PPARG: variants seen among roughly 807,000 people sequenced by gnomAD.
The protein encoded by PPARG is peroxisome proliferator activated receptor gamma, also known as peroxisome proliferator-activated receptor gamma.
In PPARG, 17 loss-of-function variants were observed where a neutral mutation model predicts 39.2. The ratio of observed to expected loss-of-function variants is 0.43; its 90% CI spans 0.30 to 0.65. The LOEUF (loss-of-function observed/expected upper bound fraction) is 0.65. Among genes scored for constraint, PPARG ranks in the 30% least tolerant of loss-of-function variants. The probability of loss-of-function intolerance (pLI) is 0.13; values close to 1 mark genes in which losing one functional copy is unlikely to be tolerated. For synonymous variants in PPARG, 223 were observed against 215.7 expected (o/e 1.03, Z -0.30); for missense variants, 406 against 585.9 (o/e 0.69, Z 3.17).
At chr3:12,334,326 G>A (rs938738806) in intron 2 of PPARG, among the ~76,000 whole-genome samples, 6 of 151,838 alleles carry the variant, frequency 4.0e-5, no homozygotes, top group Non-Finnish European at 5.9e-5. Flanking sequence ...TGCCTCCCGG[G>A]TTCAAACAAT....
intron 7 of PPARG, among the ~76,000 whole-genome samples, chr3:12,418,063 C>T (rs1469081288): frequency 1.3e-5 from 2 of 151,858 alleles, no homozygotes; most frequent in African/African-American, 4.8e-5. Context: ...TACAGTTGGG[C>T]TCAAGTGATT....
intron 5 of PPARG, among the ~76,000 whole-genome samples, chr3:12,404,627 A>G (rs975371731): frequency 6.6e-5 from 10 of 152,094 alleles, no homozygotes; most frequent in Admixed American, 2.6e-4. Context: ...AACGTGGTAA[A>G]ACCCTGTCTC....
chr3:12,370,304 T>C (rs993539961), intron 2 of PPARG, among the ~76,000 whole-genome samples: 6 of 152,088 alleles, frequency 3.9e-5, no homozygotes, highest in Admixed American at 6.6e-5. Context: ...TTTTTTTTTT[T>C]CCTGTCAGGA....
chr3:12,359,754 A>C (rs1441786541), intron 2 of PPARG, among the ~76,000 whole-genome samples: 1 of 146,760 alleles, frequency 6.8e-6, no homozygotes, highest in East Asian at 2.0e-4. Context: ...AGCTCACTGC[A>C]ACCTCTGCCC....
intron 2 of PPARG, among the ~76,000 whole-genome samples, chr3:12,337,344 G>C (rs563974314): frequency 6.6e-5 from 10 of 152,276 alleles, no homozygotes; most frequent in African/African-American, 2.4e-4. Context: ...TAGGTACATT[G>C]TTCTGAGTAG....
chr3:12,319,073 G>A (rs1165624241), intron 2 of PPARG, among the ~76,000 whole-genome samples: 2 of 152,114 alleles, frequency 1.3e-5, no homozygotes, highest in African/African-American at 4.8e-5. Context: ...AAATTTCAGG[G>A]AAATACCATA....
intron 2 of PPARG, among the ~76,000 whole-genome samples, chr3:12,368,775 G>A (rs1441080772): frequency 1.3e-5 from 2 of 152,172 alleles, no homozygotes; most frequent in Non-Finnish European, 2.9e-5. Flanking sequence ...GATACTATGT[G>A]AAGGAAAAGA....
At chr3:12,390,614 T>A (rs150269986) in intron 4 of PPARG, among the ~76,000 whole-genome samples, 1 of 149,720 alleles carries the variant, frequency 6.7e-6, no homozygotes, top group African/African-American at 2.5e-5. Context: ...TTACATAGTA[T>A]GTGATAAAGC....
chr3:12,372,048 C>T (rs74903769), intron 2 of PPARG: 10 of 718,336 alleles, frequency 1.4e-5, no homozygotes, highest in East Asian at 2.7e-5. Context: ...GAAAAATCGG[C>T]GGTTAAGTGT....
At chr3:12,393,190 ATTTT>A (rs143287325) in intron 5 of PPARG, among the ~76,000 whole-genome samples, 1,552 of 111,526 alleles carry the variant, frequency 0.014, 35 homozygotes, top group African/African-American at 0.051. Context: ...GATTCATTTA[ATTTT>A]TTTTTTTTTT....
At chr3:12,351,368 T>G in intron 2 of PPARG, 1 of 587,144 alleles carries the variant, frequency 1.7e-6, no homozygotes, top group Middle Eastern at 4.6e-4. Context: ...TGACACAACT[T>G]TTTGTCACAG....
At chr3:12,360,439 T>C (rs1369805668) in intron 2 of PPARG, among the ~76,000 whole-genome samples, 1 of 152,212 alleles carries the variant, frequency 6.6e-6, no homozygotes, top group African/African-American at 2.4e-5. Flanking sequence ...TGTTTCCTTC[T>C]GTCATCCCCC....
intron 6 of PPARG, among the ~76,000 whole-genome samples, chr3:12,409,266 G>A (rs2050788428): frequency 6.6e-6 from 1 of 152,156 alleles, no homozygotes; most frequent in Non-Finnish European, 1.5e-5. Context: ...GGCAGGGTCT[G>A]GAAAAAGAGA....
intron 2 of PPARG, among the ~76,000 whole-genome samples, chr3:12,361,517 A>G (rs2048846295): frequency 6.6e-6 from 1 of 152,134 alleles, no homozygotes; most frequent in African/African-American, 2.4e-5. Context: ...CACAGAATTG[A>G]CTTTTGTGTA....
chr3:12,429,552 C>CAAAAAAAAA (rs753288907), intron 7 of PPARG, among the ~76,000 whole-genome samples: 1 of 99,590 alleles, frequency 1.0e-5, no homozygotes, highest in African/African-American at 4.0e-5. Flanking sequence ...CTGTCTCTAC[C>CAAAAAAAAA]AAAAAAAAAA....
intron 2 of PPARG, among the ~76,000 whole-genome samples, chr3:12,371,124 T>C (rs968990820): frequency 1.3e-5 from 2 of 152,186 alleles, no homozygotes; most frequent in East Asian, 3.8e-4. Context: ...TGAGAACTTA[T>C]TAAGTATCCA....
At chr3:12,423,603 C>G (rs67867721) in intron 7 of PPARG, among the ~76,000 whole-genome samples, 24,985 of 152,256 alleles carry the variant, frequency 0.16, 2,289 homozygotes, top group Admixed American at 0.25. Flanking sequence ...TCCACCCCCT[C>G]TTCATCTGCT....
At chr3:12,362,563 A>G in intron 2 of PPARG, among the ~76,000 whole-genome samples, 1 of 151,048 alleles carries the variant, frequency 6.6e-6, no homozygotes, top group East Asian at 1.9e-4. Context: ...AAATAAATAA[A>G]TAAATAAAAC....
At chr3:12,408,080 A>G (rs1325648312) in intron 6 of PPARG, among the ~76,000 whole-genome samples, 1 of 152,224 alleles carries the variant, frequency 6.6e-6, no homozygotes, top group Non-Finnish European at 1.5e-5. Context: ...AGTTCAGAGC[A>G]TTCGTAGCAT....
Sources: gnomAD v4.1 joint callset for allele counts (sites outside exome capture counted in the v4.1 genomes callset) on GRCh38, gnomAD v4.1.1 for gene constraint, MANE v1.5 for transcripts, NCBI Gene and HGNC (gene_info 2026-07-23, HGNC 2026-07-21) for gene names.